Variants in DYNC1H1 observed in about 807,000 individuals in gnomAD.
The protein encoded by DYNC1H1 is cytoplasmic dynein 1 heavy chain 1.
In DYNC1H1, 51 loss-of-function variants were observed where a neutral mutation model predicts 527.1. The ratio of observed to expected loss-of-function variants is 0.10; its 90% CI spans 0.08 to 0.12. DYNC1H1 has a LOEUF of 0.12. Ranked by LOEUF, DYNC1H1 falls within the 10% of genes least tolerant of loss-of-function variation. The pLI is 1.00. For missense variants in DYNC1H1, 2,771 were observed against 5,971.8 expected, an observed-to-expected ratio of 0.46 and a Z score of 17.66; for synonymous variants, 2,189 against 2,278.8, an observed-to-expected ratio of 0.96 and a Z score of 1.12.
intron 15 of DYNC1H1, 125 bp downstream of exon 15, chr14:101,995,425 C>T: frequency 4.9e-6 from 6 of 1,222,360 alleles, no homozygotes; most frequent in Non-Finnish European, 7.2e-6. Flanking sequence ...TCCTGGCTAA[C>T]ACGGTGAAAT....
intron 18 of DYNC1H1, 29 bp downstream of exon 18, chr14:102,000,428 G>C (rs144810397): frequency 9.3e-5 from 150 of 1,604,966 alleles, no homozygotes; most frequent in Non-Finnish European, 1.2e-4. Flanking sequence ...GTTTGTGTAC[G>C]TCTATTTTAA....
chr14:101,977,570 T>C (rs2047815848), intron 2 of DYNC1H1, among the ~76,000 whole-genome samples: 1 of 152,254 alleles, frequency 6.6e-6, no homozygotes, highest in Non-Finnish European at 1.5e-5. Context: ...TCTCTAATTA[T>C]AGTACATGTT....
At chr14:102,045,975 G>A (rs1477038881) in intron 72 of DYNC1H1, among the ~76,000 whole-genome samples, 3 of 152,028 alleles carry the variant, frequency 2.0e-5, no homozygotes, top group Non-Finnish European at 1.5e-5. Flanking sequence ...GACCATCCTG[G>A]CTAACACGGT....
Position 102,041,898 on chromosome 14 carries a change from C to T in DYNC1H1, c.12103-115C>T. The T allele has an allele frequency of 3.4e-6, 5 of 1,484,940 alleles. No individual in the cohort carries two copies. Among genetic ancestry groups the T allele is most frequent in the Non-Finnish European group, 3.7e-6 (4 of 1,078,616 alleles). 92.0% of individuals were successfully genotyped at this position (1,484,940 alleles called of 1,614,324 possible). A position where few individuals can be genotyped will look rare whatever the true frequency, so the allele number is the denominator to read the frequency against. ...AACTCCTGGCTGCATGGTGCCCACA[C>T]CTCTGGGCCCAGAAAGAACATCTTC... is the stretch of plus-strand genomic sequence containing the variant. On this transcript the variant is annotated intron_variant, in intron 65 of 77. Coordinates refer to ENST00000360184, the MANE Select transcript of DYNC1H1 (RefSeq NM_001376.5). This position sits in a 1 kb window ranked among gnomAD's most constrained non-coding sequence, Gnocchi z 4.5.
At chr14:102,048,938 C>G (rs1290813441) in intron 74 of DYNC1H1, 1 of 503,562 alleles carries the variant, frequency 2.0e-6, no homozygotes, top group Admixed American at 3.3e-5. Context: ...TCCAAGACGA[C>G]AGTGAATGGG....
chr14:102,023,461 A>T, intron 43 of DYNC1H1: 1 of 192,906 alleles, frequency 5.2e-6, no homozygotes. Flanking sequence ...AGGCAGGAGA[A>T]TCTTTGGAAC....
rs2048660534 is a variant in DYNC1H1 at position 102,042,213 on chromosome 14, G to A, written c.12215-15G>A. 1 of 1,613,928 alleles carries A rather than the reference G, an allele frequency of 6.2e-7. No homozygotes were observed. The highest frequency in any genetic ancestry group is 8.5e-7 in the Non-Finnish European group (1 of 1,180,034). ...CCGAGGCTGCCGCTGCTAACACTAA[G>A]TTTCCCTGCACCAGGCTCTGCAGAA... On this transcript the variant is annotated splice_polypyrimidine_tract_variant and intron_variant, in intron 66 of 77. Transcript: ENST00000360184. This position sits in a 1 kb window ranked among gnomAD's most constrained non-coding sequence, Gnocchi z 5.7.
intron 4 of DYNC1H1, 58 bp from the exon 5 acceptor site, chr14:101,980,306 T>C: frequency 1.9e-6 from 3 of 1,590,728 alleles, no homozygotes; most frequent in Non-Finnish European, 2.6e-6. Flanking sequence ...TTGTTAACGA[T>C]ATCTATTCTA....
chr14:102,009,635 A>T, intron 29 of DYNC1H1: 1 of 665,824 alleles, frequency 1.5e-6, no homozygotes, highest in South Asian at 1.9e-5. Flanking sequence ...ACACGTGCAC[A>T]TGAGGTACAT....
In DYNC1H1 at chr14:102,018,628, T is replaced by G; in HGVS notation, c.8343+12T>G. 1.2e-6 allele frequency: 2 copies of G among 1,613,064 alleles called. No individual in the cohort carries two copies. Among genetic ancestry groups the G allele is most frequent in the Non-Finnish European group, 1.7e-6 (2 of 1,179,982 alleles). On this transcript the variant is annotated intron_variant, in intron 41 of 77. Coordinates refer to ENST00000360184, the MANE Select transcript of DYNC1H1 (RefSeq NM_001376.5). This position sits in a 1 kb window ranked among gnomAD's most constrained non-coding sequence, Gnocchi z 5.2. ...ACACCATGTCTCAGGTACGCAGAGT[T>G]TCTTTGCTCTTCCAGAAATTGTTTT... is the stretch of plus-strand genomic sequence containing the variant.
Position 102,040,264 on chromosome 14 carries a change from C to A in DYNC1H1, c.11719C>A (p.His3907Asn), listed in dbSNP as rs1366270188. ...GCCCACCTACGATGCAGAATTCCAG[C>A]ACTTCTTGAGAGGAAATGAGATTGT... is the stretch of plus-strand genomic sequence containing the variant. Reference protein sequence around the residue: ...GEPTYDAEFQHFLRGNEIVLS... With the variant: ...GEPTYDAEFQNFLRGNEIVLS... Residue 3907 changes from histidine to asparagine, a missense_variant, in exon 63 of 78, where the codon CAC becomes AAC. Physicochemically the swap from His to Asn is moderately conservative, Grantham distance 68. Coordinates refer to ENST00000360184, the MANE Select transcript of DYNC1H1 (RefSeq NM_001376.5). The A allele has an allele frequency of 6.2e-7, 1 of 1,614,170 alleles. No individual in the cohort carries two copies. Among genetic ancestry groups the A allele is most frequent in the Admixed American group, 1.7e-5 (1 of 60,016 alleles).
At chr14:101,990,506 A>G (rs1036992472) in intron 10 of DYNC1H1, among the ~76,000 whole-genome samples, 1 of 152,208 alleles carries the variant, frequency 6.6e-6, no homozygotes, top group Non-Finnish European at 1.5e-5. Flanking sequence ...CATGTCTGAT[A>G]ATCAAGTGAC....
Position 102,049,354 on chromosome 14 carries a change from G to T in DYNC1H1, c.13373-86G>T. Reference sequence around the variant, plus strand: ...GCCAGCCGCCTGTGTGGGCAGCCAGGATGCCTAGCACTTGCACATTTGTTC... The same window carrying T: ...GCCAGCCGCCTGTGTGGGCAGCCAGTATGCCTAGCACTTGCACATTTGTTC... On this transcript the variant is annotated intron_variant, in intron 74 of 77. Coordinates refer to ENST00000360184, the MANE Select transcript of DYNC1H1 (RefSeq NM_001376.5). This position sits in a 1 kb window ranked among gnomAD's most constrained non-coding sequence, Gnocchi z 5.5. The T allele has an allele frequency of 3.1e-6, 5 of 1,598,064 alleles. No individual in the cohort carries two copies. In the South Asian group the frequency reaches 5.6e-5, roughly 18 times the overall value.
In DYNC1H1 at chr14:102,041,832, TAC is replaced by T. The variant is rs1288377121; in HGVS notation, c.12102+100_12102+101del. The T allele has an allele frequency of 3.8e-6, 6 of 1,584,776 alleles. No individual in the cohort carries two copies. The highest frequency in any genetic ancestry group is 1.3e-5 in the African/African-American group (1 of 74,244). Reference sequence around the variant, plus strand: ...CCTGGCATCTGCTCTCACTCCGGGCTACAGTCTCCTCCTAAGACCAGGAACTC... The same window carrying T: ...CCTGGCATCTGCTCTCACTCCGGGCTAGTCTCCTCCTAAGACCAGGAACTC... On this transcript the variant is annotated intron_variant, in intron 65 of 77. Coordinates refer to ENST00000360184, the MANE Select transcript of DYNC1H1 (RefSeq NM_001376.5). The surrounding 1 kb of genome is among the most constrained non-coding windows in gnomAD (Gnocchi z 4.5).
At position 101,981,307 on chromosome 14, in the gene DYNC1H1, G is replaced by A. The variant is rs17540700; in HGVS notation, c.961+757G>A. 1.0e-2 allele frequency among the ~76,000 whole-genome samples: 1,517 copies of A among 152,186 alleles called. 24 individuals carry two copies. Among genetic ancestry groups the A allele is most frequent in the African/African-American group, 0.035 (1,448 of 41,520 alleles). ...TCCAACTAATTTTTGAATTTTTGTA[G>A]AAATGGGGACTTGCCACGTTGCCCA... On this transcript the variant is annotated intron_variant, in intron 5 of 77. Transcript: ENST00000360184.
Position 102,027,938 on chromosome 14 carries a change from T to G in DYNC1H1, c.9265T>G (p.Cys3089Gly). 6.2e-7 allele frequency: 1 copy of G among 1,613,954 alleles called. No individual in the cohort carries two copies. Among genetic ancestry groups the G allele is most frequent in the Non-Finnish European group, 8.5e-7 (1 of 1,179,996 alleles). The change falls in exon 48 of 78, where the codon TGT (cysteine) becomes GGT (glycine). Residue 3089 changes from cysteine to glycine, a missense_variant and splice_region_variant. Around this residue, in one of 32 missense-constraint regions of DYNC1H1, gnomAD observed 84 missense variants for 285.4 expected, o/e 0.29. Transcript: ENST00000360184. This position sits in a 1 kb window ranked among gnomAD's most constrained non-coding sequence, Gnocchi z 7.7. ...CTGAAACATGGGCCTCTTTCTCAGG[T>G]GTGTGTTGAATTGGTTTGGAGACTG... ...AATSPALFNR[C>G]VLNWFGDWST...
chr14:101,985,747 G>T lies in DYNC1H1; in HGVS notation c.1522G>T (p.Ala508Ser). Reference protein sequence around the residue: ...EVPEPQDMKVAEVLFDAADAN... With the variant: ...EVPEPQDMKVSEVLFDAADAN... ...CCCTGAACCCCAAGATATGAAAGTGGCTGAGGTTCTCTTTGATGCTGCAGA... is the reference window on the plus strand; with the variant it reads ...CCCTGAACCCCAAGATATGAAAGTGTCTGAGGTTCTCTTTGATGCTGCAGA... The change falls in exon 8 of 78, where the codon GCT becomes TCT. Residue 508 changes from alanine (A) to serine (S), a missense_variant. Ala to Ser is a moderately conservative substitution (Grantham distance 99). Coordinates refer to ENST00000360184, the MANE Select transcript of DYNC1H1 (RefSeq NM_001376.5). This position sits in a 1 kb window ranked among gnomAD's most constrained non-coding sequence, Gnocchi z 5.9. 1 of 1,614,216 alleles carries T rather than the reference G, an allele frequency of 6.2e-7. No individual in the cohort carries two copies. The highest frequency in any genetic ancestry group is 1.1e-5 in the South Asian group (1 of 91,082).
chr14:102,008,192 CT>C lies in DYNC1H1; in HGVS notation c.5835del (p.Phe1945LeufsTer58). ...TFDFQAMGRI[F>X]VGLCQVGAWG... is the part of the protein sequence containing the mutation. ...CTCCTTTCCAGGCAATGGGCCGGAT[CT>C]TTGTGGGCCTTTGCCAGGTGGGTGC... is the stretch of plus-strand genomic sequence containing the variant. On this transcript the variant is annotated frameshift_variant, in exon 29 of 78. Coordinates refer to ENST00000360184, the MANE Select transcript of DYNC1H1 (RefSeq NM_001376.5). LOFTEE classifies it high-confidence loss of function. The C allele has an allele frequency of 6.2e-7, 1 of 1,614,178 alleles. No homozygotes were observed. The highest frequency in any genetic ancestry group is 8.5e-7 in the Non-Finnish European group (1 of 1,180,034).
rs950073137 is a variant in DYNC1H1 at position 102,040,242 on chromosome 14, C to T, written c.11697C>T (p.Pro3899=). 4 of 1,614,016 alleles carry T rather than the reference C, an allele frequency of 2.5e-6. No individual in the cohort carries two copies. The highest frequency in any genetic ancestry group is 3.4e-6 in the Non-Finnish European group (4 of 1,180,044). ...RIKLKGTVGE[P]TYDAEFQHFL... is the part of the protein sequence containing the mutation. ...CCTGTTGCACCCTTCGCAGGGAGCCCACCTACGATGCAGAATTCCAGCACT... is the reference window on the plus strand; with the variant it reads ...CCTGTTGCACCCTTCGCAGGGAGCCTACCTACGATGCAGAATTCCAGCACT... The change falls in exon 63 of 78, where the codon CCC becomes CCT. Residue 3899 remains proline, a synonymous_variant. Coordinates refer to ENST00000360184, the MANE Select transcript of DYNC1H1 (RefSeq NM_001376.5).
Sources: allele counts gnomAD v4.1 joint callset (sites outside exome capture counted in the v4.1 genomes callset), GRCh38; gene constraint gnomAD v4.1.1; regional missense constraint gnomAD v4.1.1; non-coding constraint Gnocchi (gnomAD v3.1); transcripts MANE v1.5; gene names NCBI Gene and HGNC (gene_info 2026-07-23, HGNC 2026-07-21).